ASB5: variants seen among roughly 807,000 people sequenced by gnomAD.
The protein encoded by ASB5 is ankyrin repeat and SOCS box protein 5.
ASB5 carries 45 observed loss-of-function variants against 42.1 expected under a neutral mutation model. That is an observed-to-expected ratio of 1.07 (90% CI 0.84 to 1.37). ASB5 has a LOEUF of 1.37. Ranked by LOEUF, ASB5 falls within the 40% of genes most tolerant of loss-of-function variation. The pLI is 0.00. For synonymous variants in ASB5, 147 were observed against 150.6 expected (o/e 0.98, Z 0.18); for missense variants, 402 against 399.8 (o/e 1.01, Z -0.05).
chr4:176,217,767 TAAAAA>T (rs1318484387), intron 5 of ASB5, among the ~76,000 whole-genome samples: 1 of 152,064 alleles, frequency 6.6e-6, no homozygotes, highest in Admixed American at 6.6e-5. Context: ...TTAGTACTGT[TAAAAA>T]TAACCATCCC....
chr4:176,244,206 C>T (rs771387687), intron 1 of ASB5, among the ~76,000 whole-genome samples: 1 of 151,992 alleles, frequency 6.6e-6, no homozygotes, highest in Non-Finnish European at 1.5e-5. Flanking sequence ...AAACACTGTG[C>T]CTAAAATTTT....
At chr4:176,274,661 C>A (rs891786687) in intron 2 of ASB5, among the ~76,000 whole-genome samples, 19 of 152,222 alleles carry the variant, frequency 1.2e-4, no homozygotes, top group African/African-American at 4.1e-4. Context: ...ACATTTGTGC[C>A]CTGTGTGGGT....
chr4:176,234,407 T>C (rs553823988), intron 1 of ASB5, among the ~76,000 whole-genome samples: 11 of 152,338 alleles, frequency 7.2e-5, no homozygotes, highest in African/African-American at 2.2e-4. Flanking sequence ...ACTTGTTCTC[T>C]GACTTTAGTG....
At chr4:176,219,246 A>G (rs1379436454) in intron 5 of ASB5, among the ~76,000 whole-genome samples, 2 of 114,628 alleles carry the variant, frequency 1.7e-5, no homozygotes, top group African/African-American at 3.5e-5. Context: ...ATATAAATAT[A>G]TATGTATGAT....
chr4:176,271,375 CACAT>C (rs1754466034), upstream of ASB5, among the ~76,000 whole-genome samples: 2 of 152,144 alleles, frequency 1.3e-5, no homozygotes, highest in African/African-American at 4.8e-5. Flanking sequence ...ACTTAAAAGA[CACAT>C]AACCACATTA....
intron 1 of ASB5, among the ~76,000 whole-genome samples, chr4:176,252,944 T>C (rs1754072168): frequency 6.6e-6 from 1 of 152,218 alleles, no homozygotes; most frequent in Non-Finnish European, 1.5e-5. Flanking sequence ...ATGAGGATTA[T>C]GGCATGTGTG....
chr4:176,216,944 T>C lies in ASB5; in HGVS notation c.736A>G (p.Thr246Ala). ...PLHAAAQQSS[T>A]EIVNLLLEFG... ...TCTAGCAGTAAGTTTACAATTTCTG[T>C]GCTGGATTGTTGAGCAGCAGCATGT... The change falls in exon 6 of 7, where the codon ACA becomes GCA. Residue 246 changes from threonine (T) to alanine (A), a missense_variant. By Grantham distance (58) the Thr-to-Ala change is moderately conservative. Coordinates refer to ENST00000296525, the MANE Select transcript of ASB5 (RefSeq NM_080874.4). 2 of 1,614,034 alleles carry C rather than the reference T, an allele frequency of 1.2e-6. No homozygotes were observed. Among genetic ancestry groups the C allele is most frequent in the Non-Finnish European group, 1.7e-6 (2 of 1,179,948 alleles).
At chr4:176,258,331 C>A (rs909667836) in intron 1 of ASB5, among the ~76,000 whole-genome samples, 4 of 152,148 alleles carry the variant, frequency 2.6e-5, no homozygotes, top group Non-Finnish European at 5.9e-5. Context: ...CATGACAGAA[C>A]AATTTATGTC....
chr4:176,260,405 T>A (rs1754236776), intron 1 of ASB5, among the ~76,000 whole-genome samples: 1 of 152,164 alleles, frequency 6.6e-6, no homozygotes, highest in Non-Finnish European at 1.5e-5. Context: ...AGAAAAAAAA[T>A]CATCTAATAA....
chr4:176,258,332 A>C (rs1321826896), intron 1 of ASB5, among the ~76,000 whole-genome samples: 1 of 152,190 alleles, frequency 6.6e-6, no homozygotes, highest in Non-Finnish European at 1.5e-5. Context: ...ATGACAGAAC[A>C]ATTTATGTCT....
chr4:176,267,777 T>G (rs1452891415), intron 1 of ASB5, among the ~76,000 whole-genome samples: 1 of 152,164 alleles, frequency 6.6e-6, no homozygotes, highest in East Asian at 1.9e-4. Flanking sequence ...CAATTCCTCA[T>G]GTTGCAAATT....
intron 5 of ASB5, among the ~76,000 whole-genome samples, chr4:176,218,480 TATG>T (rs1390770555): frequency 2.1e-5 from 2 of 97,446 alleles, no homozygotes; most frequent in African/African-American, 7.7e-5. Flanking sequence ...TATATATTTG[TATG>T]ATATATAAAT....
chr4:176,269,077 G>A lies in ASB5; in HGVS notation c.32C>T (p.Ala11Val). The part of the protein sequence containing the change: MSVLEENRPF[A>V]QQLSNVYFTI... ...AAAGTAGACATTGGATAATTGTTGAGCAAACGGCCGATTTTCTTCTAACAC... is the reference window on the plus strand; with the variant it reads ...AAAGTAGACATTGGATAATTGTTGAACAAACGGCCGATTTTCTTCTAACAC... The change falls in exon 1 of 7, where the codon GCT (alanine) becomes GTT (valine). Residue 11 changes from alanine to valine, a missense_variant. Physicochemically the swap from Ala to Val is moderately conservative, Grantham distance 64 (BLOSUM62 0). Coordinates refer to ENST00000296525, the MANE Select transcript of ASB5 (RefSeq NM_080874.4). 6.2e-7 allele frequency: 1 copy of A among 1,610,770 alleles called. No individual in the cohort carries two copies. Among genetic ancestry groups the A allele is most frequent in the Non-Finnish European group, 8.5e-7 (1 of 1,178,382 alleles).
intron 5 of ASB5, 85 bp from the exon 6 acceptor site, chr4:176,217,094 C>T (rs1206437576): frequency 8.6e-7 from 1 of 1,160,046 alleles, no homozygotes; most frequent in African/African-American, 1.6e-5. Context: ...AAAGGAAAGG[C>T]AATAGAGGAA....
At chr4:176,245,221 C>T (rs1212959107) in intron 1 of ASB5, among the ~76,000 whole-genome samples, 2 of 152,038 alleles carry the variant, frequency 1.3e-5, no homozygotes, top group African/African-American at 4.8e-5. Flanking sequence ...ACAACCCCAT[C>T]AAAAAGTGGG....
chr4:176,248,341 T>C (rs905196407), intron 1 of ASB5, among the ~76,000 whole-genome samples: 8 of 152,114 alleles, frequency 5.3e-5, no homozygotes, highest in Non-Finnish European at 2.9e-5. Context: ...TTGCCCAAGC[T>C]GGTCTCCTGA....
chr4:176,229,743 C>A (rs534399638), intron 1 of ASB5, among the ~76,000 whole-genome samples: 58 of 152,216 alleles, frequency 3.8e-4, no homozygotes, highest in African/African-American at 1.4e-3. Flanking sequence ...ATAGGACCTC[C>A]TTTGGCATGA....
At chr4:176,275,413 T>A (rs1369612934) in intron 2 of ASB5, among the ~76,000 whole-genome samples, 1 of 152,194 alleles carries the variant, frequency 6.6e-6, no homozygotes, top group African/African-American at 2.4e-5. Flanking sequence ...GCATTTCAAA[T>A]CTATTTTAAC....
intron 5 of ASB5, among the ~76,000 whole-genome samples, chr4:176,219,617 T>C (rs1242557133): frequency 8.2e-6 from 1 of 122,186 alleles, no homozygotes; most frequent in Non-Finnish European, 1.6e-5. Context: ...TATATATATA[T>C]AGGCTGGAGT....
Sources: allele counts gnomAD v4.1 joint callset (sites outside exome capture counted in the v4.1 genomes callset), GRCh38; gene constraint gnomAD v4.1.1; transcripts MANE v1.5; gene names NCBI Gene and HGNC (gene_info 2026-07-23, HGNC 2026-07-21).